Variants in CPNE4 observed in about 807,000 individuals in gnomAD.
CPNE4 encodes copine-4.
CPNE4 carries 25 observed loss-of-function variants against 67.9 expected under a neutral mutation model. The observed-to-expected ratio is 0.37, with a 90% confidence interval of 0.27 to 0.51. The LOEUF (loss-of-function observed/expected upper bound fraction) is 0.51. Among genes scored for constraint, CPNE4 ranks in the 20% least tolerant of loss-of-function variants. The pLI, the probability that CPNE4 is intolerant of heterozygous loss-of-function variation, is 0.93. For synonymous variants in CPNE4, 242 were observed against 244.9 expected (o/e 0.99, Z 0.11); for missense variants, 464 against 690.8 (o/e 0.67, Z 3.68).
intron 1 of CPNE4, among the ~76,000 whole-genome samples, chr3:131,995,985 T>A (rs976669176): frequency 1.3e-5 from 2 of 152,212 alleles, no homozygotes; most frequent in Non-Finnish European, 2.9e-5. Context: ...TAGGACTCCA[T>A]GGCTCATGCT....
At chr3:131,697,421 A>G (rs1162861355) in intron 4 of CPNE4, among the ~76,000 whole-genome samples, 1 of 152,228 alleles carries the variant, frequency 6.6e-6, no homozygotes, top group African/African-American at 2.4e-5. Context: ...CGCTTATCAA[A>G]TTGCTTATAT....
intron 2 of CPNE4, among the ~76,000 whole-genome samples, chr3:131,747,979 T>A (rs2082533636): frequency 2.0e-5 from 3 of 152,130 alleles, no homozygotes. Context: ...ATATTAGTTG[T>A]AAGATCTCTG....
At chr3:131,665,432 G>A (rs1255327229) in intron 7 of CPNE4, among the ~76,000 whole-genome samples, 2 of 152,102 alleles carry the variant, frequency 1.3e-5, no homozygotes, top group African/African-American at 4.8e-5. Context: ...ACCATGGTGG[G>A]CAGATCACTT....
At chr3:131,798,593 G>GA (rs1378931556) in intron 2 of CPNE4, among the ~76,000 whole-genome samples, 7 of 151,994 alleles carry the variant, frequency 4.6e-5, no homozygotes, top group Admixed American at 4.6e-4. Flanking sequence ...GTGGTGATGA[G>GA]AAAAAAAGCT....
chr3:131,630,623 C>T (rs2079195638), intron 7 of CPNE4, among the ~76,000 whole-genome samples: 1 of 152,060 alleles, frequency 6.6e-6, no homozygotes, highest in Non-Finnish European at 1.5e-5. Flanking sequence ...AAAAATTGAC[C>T]TCTTTAGTTG....
At chr3:131,836,825 C>T (rs537679143) in intron 2 of CPNE4, among the ~76,000 whole-genome samples, 2 of 152,210 alleles carry the variant, frequency 1.3e-5, no homozygotes, top group South Asian at 4.1e-4. Context: ...AGTCATATGT[C>T]CAACAAAAGA....
intron 1 of CPNE4, among the ~76,000 whole-genome samples, chr3:132,018,258 A>C (rs2073927098): frequency 6.6e-6 from 1 of 152,228 alleles, no homozygotes; most frequent in African/African-American, 2.4e-5. Context: ...AGGGATGTCC[A>C]TAAACCCCCA....
chr3:131,974,321 T>C (rs1369384185), intron 1 of CPNE4, among the ~76,000 whole-genome samples: 2 of 152,226 alleles, frequency 1.3e-5, no homozygotes, highest in Non-Finnish European at 1.5e-5. Flanking sequence ...TATGCCTGCA[T>C]CTATACACAC....
At chr3:131,782,913 A>C (rs1004583919) in intron 2 of CPNE4, among the ~76,000 whole-genome samples, 6 of 152,064 alleles carry the variant, frequency 3.9e-5, no homozygotes, top group African/African-American at 1.4e-4. Flanking sequence ...AGTAGGCAGT[A>C]ATAAGCAAGA....
intron 1 of CPNE4, among the ~76,000 whole-genome samples, chr3:131,920,704 G>A (rs2070718608): frequency 1.3e-5 from 2 of 151,848 alleles, no homozygotes; most frequent in Non-Finnish European, 2.9e-5. Context: ...CCCTTAAAAT[G>A]TCAGTTGACC....
intron 7 of CPNE4, among the ~76,000 whole-genome samples, chr3:131,625,592 T>G (rs1343398603): frequency 6.6e-6 from 1 of 152,154 alleles, no homozygotes; most frequent in African/African-American, 2.4e-5. Flanking sequence ...TTCCAAAAAT[T>G]TGAACCAAAG....
intron 1 of CPNE4, among the ~76,000 whole-genome samples, chr3:131,913,809 T>G (rs1046244870): frequency 6.6e-6 from 1 of 152,212 alleles, no homozygotes; most frequent in African/African-American, 2.4e-5. Context: ...TTGAGTAAGT[T>G]ACTTGAATTC....
At chr3:131,689,019 A>G (rs1387318489) in intron 5 of CPNE4, among the ~76,000 whole-genome samples, 1 of 152,206 alleles carries the variant, frequency 6.6e-6, no homozygotes, top group Non-Finnish European at 1.5e-5. Flanking sequence ...GCAAGAAGTT[A>G]TTGTCAGGAG....
At chr3:131,568,408 C>T (rs541777720) in intron 10 of CPNE4, among the ~76,000 whole-genome samples, 76 of 152,090 alleles carry the variant, frequency 5.0e-4, no homozygotes, top group African/African-American at 1.7e-3. Flanking sequence ...GAAATAAAAG[C>T]AAGAAAATGA....
intron 2 of CPNE4, among the ~76,000 whole-genome samples, chr3:131,881,719 A>C (rs940622573): frequency 3.9e-5 from 6 of 152,150 alleles, no homozygotes; most frequent in Non-Finnish European, 7.4e-5. Context: ...AAATCTCCAG[A>C]GAAAATGGCA....
intron 1 of CPNE4, among the ~76,000 whole-genome samples, chr3:131,958,481 T>G (rs2613977): frequency 6.6e-6 from 1 of 151,776 alleles, no homozygotes; most frequent in East Asian, 1.9e-4. Context: ...GCGATTCTGA[T>G]GCAGTTGATG....
chr3:131,923,781 T>C (rs905799054), intron 1 of CPNE4, among the ~76,000 whole-genome samples: 8 of 120,686 alleles, frequency 6.6e-5, no homozygotes, highest in Non-Finnish European at 1.2e-4. Context: ...GGGTCTGGGG[T>C]AAAAGATGCC....
chr3:131,552,303 T>C (rs1936225004), intron 13 of CPNE4, 137 bp downstream of exon 13: 1 of 716,678 alleles, frequency 1.4e-6, no homozygotes, highest in Non-Finnish European at 2.4e-6. Context: ...TGGAGTAGCA[T>C]GGTTTATGTT....
chr3:131,783,492 G>A (rs2083476861), intron 2 of CPNE4, among the ~76,000 whole-genome samples: 1 of 152,044 alleles, frequency 6.6e-6, no homozygotes, highest in Non-Finnish European at 1.5e-5. Flanking sequence ...TGGAGGTGGT[G>A]GCAGTAGTAA....
Sources: allele counts gnomAD v4.1 joint callset (sites outside exome capture counted in the v4.1 genomes callset), GRCh38; gene constraint gnomAD v4.1.1; transcripts MANE v1.5; gene names NCBI Gene and HGNC (gene_info 2026-07-23, HGNC 2026-07-21).